Variants in CAPN13 observed in about 807,000 individuals in gnomAD.
CAPN13 encodes calpain-13.
A neutral mutation model predicts 98.4 loss-of-function variants in CAPN13; 90 were observed. The observed-to-expected ratio is 0.92, with a 90% CI of 0.77 to 1.09. The LOEUF (loss-of-function observed/expected upper bound fraction) is 1.09, where lower values mean the gene tolerates loss of function less well. CAPN13 is among the 50% of genes least tolerant of loss of function. CAPN13 has a pLI of 0.00. For synonymous variants in CAPN13, 330 were observed against 305.5 expected, an observed-to-expected ratio of 1.08 and a Z score of -0.84; for missense variants, 887 against 841.3, an observed-to-expected ratio of 1.05 and a Z score of -0.67.
chr2:30,727,252 T>A (rs1670889199), intron 22 of CAPN13, among the ~76,000 whole-genome samples: 1 of 152,066 alleles, frequency 6.6e-6, no homozygotes, highest in Admixed American at 6.5e-5. Flanking sequence ...TGACCTTGGG[T>A]TGGGCAATGA....
chr2:30,746,099 G>T (rs57038400), intron 11 of CAPN13, among the ~76,000 whole-genome samples: 3 of 151,976 alleles, frequency 2.0e-5, no homozygotes, highest in African/African-American at 7.2e-5. Context: ...GGGTTTCACC[G>T]TGTTGGTCAG....
intron 1 of CAPN13, among the ~76,000 whole-genome samples, chr2:30,796,175 T>TATATATATATAC (rs1553321143): frequency 6.9e-6 from 1 of 145,684 alleles, no homozygotes; most frequent in African/African-American, 2.6e-5. Flanking sequence ...TATGTGTGTA[T>TATATATATATAC]ATATATATAC....
At chr2:30,736,674 G>T in intron 17 of CAPN13, 103 bp from the exon 18 acceptor site, 3 of 1,027,130 alleles carry the variant, frequency 2.9e-6, no homozygotes, top group South Asian at 1.3e-5. Flanking sequence ...TAGCAACACA[G>T]CTGGTCCATT....
chr2:30,742,553 T>C (rs973705815), intron 13 of CAPN13, among the ~76,000 whole-genome samples, 194 bp from the exon 14 acceptor site: 5 of 152,236 alleles, frequency 3.3e-5, no homozygotes, highest in South Asian at 2.1e-4. Context: ...GGAAATGGTC[T>C]GGTCTTTAAC....
intron 22 of CAPN13, among the ~76,000 whole-genome samples, chr2:30,727,288 T>C (rs1013966814): frequency 2.6e-5 from 4 of 152,116 alleles, no homozygotes; most frequent in Admixed American, 6.6e-5. Context: ...ACCAAAAATA[T>C]GTGACAAAAG....
At chr2:30,777,931 G>A (rs949453662) in intron 2 of CAPN13, among the ~76,000 whole-genome samples, 4 of 152,136 alleles carry the variant, frequency 2.6e-5, no homozygotes, top group African/African-American at 9.7e-5. Context: ...ATTCCATCTC[G>A]ACAAGGCAGT....
At chr2:30,730,583 T>G in intron 22 of CAPN13, 147 bp downstream of exon 22, 2 of 558,358 alleles carry the variant, frequency 3.6e-6, no homozygotes, top group South Asian at 5.0e-5. Flanking sequence ...TCAAGGGCCT[T>G]GAGCAGCTAA....
chr2:30,783,925 A>T (rs1398815120), intron 2 of CAPN13, among the ~76,000 whole-genome samples: 1 of 152,160 alleles, frequency 6.6e-6, no homozygotes, highest in East Asian at 1.9e-4. Flanking sequence ...TCATGCCTGT[A>T]ATCCCAGCAC....
At chr2:30,807,152 A>C (rs994095422) in intron 1 of CAPN13, 150 bp downstream of exon 1, 2 of 152,308 alleles carry the variant, frequency 1.3e-5, no homozygotes, top group Non-Finnish European at 2.9e-5. Flanking sequence ...CATCAAAAAA[A>C]CCCAGCTTCC....
chr2:30,757,613 C>A lies in CAPN13; in HGVS notation c.866+433G>T, dbSNP rs578228987. On this transcript the variant is annotated intron_variant, in intron 8 of 22. Coordinates refer to ENST00000295055, the MANE Select transcript of CAPN13 (RefSeq NM_144575.3). ...TTTTCCACCCTGATGATGTGACATG[C>A]TCAGGATCAGAATCCCATGGGTCCC... Among the ~76,000 whole-genome samples the A allele has an allele frequency of 5.3e-5, 8 of 152,340 alleles. 1 individual carries two copies. The East Asian group carries it at 1.5e-3, about 29-fold the overall frequency.
intron 6 of CAPN13, among the ~76,000 whole-genome samples, chr2:30,763,467 C>T (rs1201912740): frequency 6.6e-6 from 1 of 152,228 alleles, no homozygotes; most frequent in Non-Finnish European, 1.5e-5. Context: ...TCTGCTGGGA[C>T]ATTCACAGGA....
intron 2 of CAPN13, among the ~76,000 whole-genome samples, chr2:30,780,189 T>C (rs757220250): frequency 6.6e-6 from 1 of 152,224 alleles, no homozygotes; most frequent in East Asian, 1.9e-4. Context: ...CATGCAGTTT[T>C]TCCTCTGAGT....
At chr2:30,803,808 C>T (rs765069293) in intron 1 of CAPN13, among the ~76,000 whole-genome samples, 14 of 152,140 alleles carry the variant, frequency 9.2e-5, no homozygotes, top group Non-Finnish European at 1.9e-4. Context: ...GATGAGGTGA[C>T]CTTTAGCTGC....
Position 30,753,090 on chromosome 2 carries a change from T to C in CAPN13, c.1050A>G (p.Ile350Met). 1.2e-6 allele frequency: 2 copies of C among 1,614,028 alleles called. No individual in the cohort carries two copies. Among genetic ancestry groups the C allele is most frequent in the South Asian group, 2.2e-5 (2 of 91,084 alleles). The part of the protein sequence containing the change: ...GNTLHEGWSQ[I>M]MFRKQVILGN... The stretch of plus-strand genomic sequence containing the variant: ...CTAGAATCACTTGCTTCCTAAACAT[T>C]ATTTGGGACCATCCTTCGTGGAGTG... Residue 350 changes from isoleucine (I) to methionine (M), a missense_variant, in exon 10 of 23, where the codon ATA becomes ATG. By Grantham distance (10) the Ile-to-Met change is conservative (BLOSUM62 1). Coordinates refer to ENST00000295055, the MANE Select transcript of CAPN13 (RefSeq NM_144575.3).
chr2:30,796,131 T>TATATATATGTGTGTATATATATATATAC (rs1487052377), intron 1 of CAPN13, among the ~76,000 whole-genome samples: 16 of 138,640 alleles, frequency 1.2e-4, no homozygotes, highest in East Asian at 4.1e-4. Context: ...GAGAATTACA[T>TATATATATGTGTGTATATATATATATAC]ATATATATGT....
intron 2 of CAPN13, among the ~76,000 whole-genome samples, chr2:30,786,912 G>A (rs1392438154): frequency 1.3e-5 from 2 of 152,182 alleles, no homozygotes; most frequent in Non-Finnish European, 2.9e-5. Flanking sequence ...TGTACTTAGT[G>A]TTAGAACTGG....
intron 12 of CAPN13, among the ~76,000 whole-genome samples, chr2:30,744,171 C>A (rs565705013): frequency 2.0e-5 from 3 of 152,228 alleles, no homozygotes; most frequent in Admixed American, 2.0e-4. Flanking sequence ...TAATGAAAAC[C>A]CCTTGCTAAA....
At position 30,743,599 on chromosome 2, in the gene CAPN13, AAT is replaced by A; in HGVS notation, c.1249-22_1249-21del. The A allele has an allele frequency of 1.2e-6, 2 of 1,612,982 alleles. No individual in the cohort carries two copies. The highest frequency in any genetic ancestry group is 1.7e-6 in the Non-Finnish European group (2 of 1,179,036). ...GAACCGCTGGAATTAGAGGAAACAC[AAT>A]GATTGTGAGAAAGCCTCCTCTGTGC... On this transcript the variant is annotated intron_variant, in intron 12 of 22. Transcript: ENST00000295055.
intron 21 of CAPN13, among the ~76,000 whole-genome samples, chr2:30,731,099 T>C (rs1029102512): frequency 4.6e-5 from 7 of 152,212 alleles, no homozygotes; most frequent in Admixed American, 6.5e-5. Context: ...CCCTCCTGGA[T>C]TTATGACTCC....
Sources: allele counts gnomAD v4.1 joint callset (sites outside exome capture counted in the v4.1 genomes callset), GRCh38; gene constraint gnomAD v4.1.1; transcripts MANE v1.5; gene names NCBI Gene and HGNC (gene_info 2026-07-23, HGNC 2026-07-21).